DOCK5: variants seen among roughly 807,000 people sequenced by gnomAD.
DOCK5 encodes the protein dedicator of cytokinesis protein 5.
Under a neutral mutation model 251.8 loss-of-function variants are expected in DOCK5, and 142 were observed. That is an observed-to-expected ratio of 0.56 (90% CI 0.49 to 0.65). DOCK5 has a LOEUF of 0.65. DOCK5 is among the 30% of genes least tolerant of loss of function. The pLI is 0.00. For synonymous variants in DOCK5, 842 were observed against 835.5 expected, an observed-to-expected ratio of 1.01 and a Z score of -0.13; for missense variants, 2,111 against 2,312.3, an observed-to-expected ratio of 0.91 and a Z score of 1.79.
At position 25,199,662 on chromosome 8, in the gene DOCK5, C is replaced by T. The variant is rs577757437; in HGVS notation, c.43+14711C>T. Among the ~76,000 whole-genome samples the T allele has an allele frequency of 5.9e-5, 9 of 152,284 alleles. No individual in the cohort carries two copies. In the East Asian group the frequency reaches 7.7e-4, roughly 13 times the overall value. ...CCTCCCAAAGTGTTGGGATTACATG[C>T]GTGAGCCACCACGCCCAACCAACTT... is the stretch of plus-strand genomic sequence containing the variant. On this transcript the variant is annotated intron_variant, in intron 1 of 51. Transcript: ENST00000276440.
intron 40 of DOCK5, among the ~76,000 whole-genome samples, chr8:25,387,703 C>G (rs1357675103): frequency 1.3e-5 from 2 of 152,228 alleles, no homozygotes; most frequent in Non-Finnish European, 2.9e-5. Flanking sequence ...AGTCCAAGCT[C>G]ATTTCTTCTC....
chr8:25,324,438 T>A (rs1171888432), intron 17 of DOCK5, among the ~76,000 whole-genome samples: 1 of 152,210 alleles, frequency 6.6e-6, no homozygotes, highest in East Asian at 1.9e-4. Flanking sequence ...GATGCTGAGC[T>A]CCCACTTCTA....
rs111378556 is a variant in DOCK5 at position 25,319,431 on chromosome 8, C to T, written c.1444-147C>T. The T allele has an allele frequency of 9.9e-4, 518 of 524,232 alleles. 1 individual carries two copies. The highest frequency in any genetic ancestry group is 9.3e-3 in the African/African-American group (482 of 51,714). 32.5% of individuals were successfully genotyped at this position (524,232 alleles called of 1,614,324 possible). A position where few individuals can be genotyped will look rare whatever the true frequency, so the allele number is the denominator to read the frequency against. ...TGGAAATTCAGTCTTCTCTGTTCTT[C>T]ATCCCCCAAACTTAATCAGCCGATC... On this transcript the variant is annotated intron_variant, in intron 14 of 51. Coordinates refer to ENST00000276440, the MANE Select transcript of DOCK5 (RefSeq NM_024940.8).
chr8:25,190,369 G>C (rs190761920), intron 1 of DOCK5, among the ~76,000 whole-genome samples: 131 of 152,286 alleles, frequency 8.6e-4, no homozygotes, highest in Non-Finnish European at 1.6e-3. Context: ...AAAGTACCAA[G>C]ATCTAGTGAC....
At chr8:25,235,610 T>A (rs898551214) in intron 1 of DOCK5, among the ~76,000 whole-genome samples, 1 of 152,140 alleles carries the variant, frequency 6.6e-6, no homozygotes, top group African/African-American at 2.4e-5. Flanking sequence ...TGTAAGCATT[T>A]CATATAAATT....
chr8:25,225,607 G>A (rs1802511821), intron 1 of DOCK5, among the ~76,000 whole-genome samples: 1 of 151,912 alleles, frequency 6.6e-6, no homozygotes, highest in African/African-American at 2.4e-5. Context: ...TTGGGAGGCT[G>A]AGGCAGGAGA....
chr8:25,396,430 G>T (rs1305954210), intron 45 of DOCK5, among the ~76,000 whole-genome samples: 1 of 152,102 alleles, frequency 6.6e-6, no homozygotes, highest in Non-Finnish European at 1.5e-5. Context: ...TGATGGCCCT[G>T]ACTCTACAAT....
chr8:25,278,489 CGTTGGGAA>C, intron 4 of DOCK5, 72 bp from the exon 5 acceptor site: 1 of 1,376,600 alleles, frequency 7.3e-7, no homozygotes, highest in Non-Finnish European at 1.0e-6. Flanking sequence ...CAACCTTGAA[CGTTGGGAA>C]GTCTGATCCC....
chr8:25,297,917 C>T (rs1209009496), intron 7 of DOCK5, among the ~76,000 whole-genome samples: 3 of 151,760 alleles, frequency 2.0e-5, no homozygotes, highest in African/African-American at 4.8e-5. Context: ...ATTAGCTGGA[C>T]GTGGTAGTGC....
At chr8:25,245,839 G>A (rs190989935) in intron 2 of DOCK5, among the ~76,000 whole-genome samples, 144 of 152,136 alleles carry the variant, frequency 9.5e-4, no homozygotes, top group Non-Finnish European at 1.7e-3. Context: ...CATGCCTGGT[G>A]GCAAAGTTCT....
chr8:25,319,460 G>A, intron 14 of DOCK5, 118 bp from the exon 15 acceptor site: 1 of 615,382 alleles, frequency 1.6e-6, no homozygotes, highest in Non-Finnish European at 2.9e-6. Flanking sequence ...GCCGATCAGT[G>A]CCAGTGTAGG....
intron 22 of DOCK5, among the ~76,000 whole-genome samples, chr8:25,337,064 TA>T (rs1269397220): frequency 3.9e-5 from 6 of 152,268 alleles, no homozygotes; most frequent in South Asian, 4.1e-4. Context: ...TTACATATAG[TA>T]CAGATGAAAG....
In DOCK5 at chr8:25,368,704, T is replaced by A; in HGVS notation, c.3417T>A (p.Ser1139Arg). 1 of 1,613,230 alleles carries A rather than the reference T, an allele frequency of 6.2e-7. No individual in the cohort carries two copies. The highest frequency in any genetic ancestry group is 8.5e-7 in the Non-Finnish European group (1 of 1,179,666). ...TGATGCAGTGTGAGTTCAATTTCAG[T>A]GGAAATGGCAATTTCCATATGGTAA... ...FDMMQCEFNF[S>R]GNGNFHMFEN... The change falls in exon 33 of 52, where the codon AGT becomes AGA. Residue 1139 changes from serine to arginine, a missense_variant. Transcript: ENST00000276440.
intron 9 of DOCK5, among the ~76,000 whole-genome samples, chr8:25,301,178 A>G (rs1222252394): frequency 6.6e-6 from 1 of 152,256 alleles, no homozygotes; most frequent in Non-Finnish European, 1.5e-5. Flanking sequence ...AAAACAGCAC[A>G]TATAGAGTTC....
At chr8:25,370,617 G>A (rs570131185) in intron 34 of DOCK5, among the ~76,000 whole-genome samples, 74 of 152,162 alleles carry the variant, frequency 4.9e-4, no homozygotes, top group African/African-American at 1.7e-3. Context: ...CAGTCCTCCC[G>A]CCTCAGACTC....
At chr8:25,409,937 T>G in intron 50 of DOCK5, 162 bp from the exon 51 acceptor site, 1 of 598,828 alleles carries the variant, frequency 1.7e-6, no homozygotes, top group East Asian at 2.9e-5. Flanking sequence ...CTGTGTGATG[T>G]GGGGTAAGAA....
intron 17 of DOCK5, 49 bp from the exon 18 acceptor site, chr8:25,325,315 A>G (rs1373154810): frequency 3.8e-6 from 6 of 1,584,184 alleles, no homozygotes; most frequent in East Asian, 2.2e-5. Flanking sequence ...TTATTTGCAT[A>G]TAAGAGATTT....
intron 1 of DOCK5, among the ~76,000 whole-genome samples, chr8:25,207,042 C>T (rs925502009): frequency 6.6e-6 from 1 of 152,188 alleles, no homozygotes; most frequent in African/African-American, 2.4e-5. Flanking sequence ...GAGTGAGTCT[C>T]TGTTCCTTGC....
At chr8:25,299,230 G>GT in intron 8 of DOCK5, 129 bp downstream of exon 8, 1 of 1,116,812 alleles carries the variant, frequency 9.0e-7, no homozygotes, top group Non-Finnish European at 1.2e-6. Flanking sequence ...TTTCTAAGCA[G>GT]TAGAATGTAA....
Sources: gnomAD v4.1 joint callset for allele counts (sites outside exome capture counted in the v4.1 genomes callset) on GRCh38, gnomAD v4.1.1 for gene constraint, MANE v1.5 for transcripts, NCBI Gene and HGNC (gene_info 2026-07-23, HGNC 2026-07-21) for gene names.